Variants in TNFRSF9 observed in about 807,000 individuals in gnomAD.
TNFRSF9 encodes tumor necrosis factor receptor superfamily member 9.
Under a neutral mutation model 28.8 loss-of-function variants are expected in TNFRSF9, and 16 were observed. The ratio of observed to expected loss-of-function variants is 0.55; its 90% CI spans 0.38 to 0.84. The LOEUF (loss-of-function observed/expected upper bound fraction) is 0.84, where lower values mean the gene tolerates loss of function less well. Ranked by LOEUF, TNFRSF9 falls within the 40% of genes least tolerant of loss-of-function variation. The probability of loss-of-function intolerance (pLI) is 0.00; values close to 1 mark genes in which losing one functional copy is unlikely to be tolerated. For missense variants in TNFRSF9, 303 were observed against 315.0 expected (o/e 0.96, Z 0.29); for synonymous variants, 131 against 117.0 (o/e 1.12, Z -0.77).
At chr1:7,927,129 A>C (rs1639667674) in intron 7 of TNFRSF9, among the ~76,000 whole-genome samples, 1 of 152,202 alleles carries the variant, frequency 6.6e-6, no homozygotes, top group East Asian at 1.9e-4. Context: ...TCAACATTCC[A>C]CTGGAGGCTA....
chr1:7,929,985 T>TTTC (rs1210665634), intron 7 of TNFRSF9, among the ~76,000 whole-genome samples: 1 of 151,202 alleles, frequency 6.6e-6, no homozygotes, highest in African/African-American at 2.4e-5. Flanking sequence ...TTTTTTTTTT[T>TTTC]TGAGACGGAG....
At chr1:7,936,586 A>G (rs547613410) in intron 5 of TNFRSF9, 1 of 152,384 alleles carries the variant, frequency 6.6e-6, no homozygotes, top group South Asian at 2.1e-4. Context: ...AAATGACAAA[A>G]GCAGAGAGAT....
Position 7,935,239 on chromosome 1 carries a change from A to G in TNFRSF9, c.414-96T>C, listed in dbSNP as rs1414538988. On this transcript the variant is annotated intron_variant, in intron 5 of 7. Transcript: ENST00000377507. ...CATTTTTCACCCAATGAAGTAGCCT[A>G]GTGAAAAAGATATATGGGTCTGGGT... 2.9e-6 allele frequency: 4 copies of G among 1,390,974 alleles called. No individual in the cohort carries two copies. The African/African-American group carries it at 5.9e-5, about 20-fold the overall frequency. 86.2% of individuals were successfully genotyped at this position (1,390,974 alleles called of 1,614,324 possible). A position where few individuals can be genotyped will look rare whatever the true frequency, so the allele number is the denominator to read the frequency against.
chr1:7,938,189 G>A lies in TNFRSF9; in HGVS notation c.346+4C>T, dbSNP rs9657966. ...TACACTAGATCAAAGAAACGCAAAC[G>A]TACCTTTTTTTGTCAGTTCTTGACC... is the stretch of plus-strand genomic sequence containing the variant. On this transcript the variant is annotated splice_donor_region_variant and intron_variant, in intron 4 of 7. Transcript: ENST00000377507. The A allele has an allele frequency of 3.1e-5, 49 of 1,571,966 alleles. No homozygotes were observed. Among genetic ancestry groups the A allele is most frequent in the South Asian group, 1.1e-4 (9 of 85,228 alleles).
chr1:7,935,350 G>A (rs1639801275), intron 5 of TNFRSF9, among the ~76,000 whole-genome samples: 1 of 152,202 alleles, frequency 6.6e-6, no homozygotes, highest in African/African-American at 2.4e-5. Flanking sequence ...TCTGTTCAGT[G>A]ACAGCTTAGT....
intron 7 of TNFRSF9, among the ~76,000 whole-genome samples, chr1:7,921,427 G>A (rs555996699): frequency 6.6e-6 from 1 of 152,026 alleles, no homozygotes; most frequent in Non-Finnish European, 1.5e-5. Flanking sequence ...CAGCACTTTG[G>A]GAGGCTGAGG....
chr1:7,932,569 G>A (rs1639747107), intron 7 of TNFRSF9, among the ~76,000 whole-genome samples: 1 of 151,842 alleles, frequency 6.6e-6, no homozygotes, highest in African/African-American at 2.4e-5. Flanking sequence ...CTCAAATATG[G>A]GTCTAAACTC....
chr1:7,916,345 G>A lies in TNFRSF9; in HGVS notation c.*4490C>T, dbSNP rs1639477818. On this transcript the variant is annotated 3_prime_UTR_variant, in exon 8 of 8. Transcript: ENST00000377507. Reference sequence around the variant, plus strand: ...TCCTTCCTTATTAATTGTCATTTAGGGGGAGCAATGACTCACATGCCAAGT... The same window carrying A: ...TCCTTCCTTATTAATTGTCATTTAGAGGGAGCAATGACTCACATGCCAAGT... 1 of 151,998 alleles carries A rather than the reference G, an allele frequency of 6.6e-6. No homozygotes were observed. 9.4% of individuals were successfully genotyped at this position (151,998 alleles called of 1,614,324 possible).
At chr1:7,934,886 G>T in intron 6 of TNFRSF9, 127 bp downstream of exon 6, 1 of 1,256,942 alleles carries the variant, frequency 8.0e-7, no homozygotes, top group Non-Finnish European at 1.1e-6. Context: ...GGTCCCTGAG[G>T]GCAGGATTCA....
In TNFRSF9 at chr1:7,923,617, C is replaced by T. The variant is rs1459212336; in HGVS notation, c.680-2694G>A. 3.9e-5 allele frequency among the ~76,000 whole-genome samples: 6 copies of T among 152,256 alleles called. No homozygotes were observed. In the South Asian group the frequency reaches 6.2e-4, roughly 16 times the overall value. ...ACTATGGGGGCCAAGGCAGGAGGAT[C>T]GCTTGAGTCCAGGAGTTCTAGACCA... On this transcript the variant is annotated intron_variant, in intron 7 of 7. Transcript: ENST00000377507.
chr1:7,938,172 A>G lies in TNFRSF9; in HGVS notation c.346+21T>C, dbSNP rs199608239. ...TGTCTATGTCACAAAACTACACTAGATCAAAGAAACGCAAACGTACCTTTT... is the reference window on the plus strand; with the variant it reads ...TGTCTATGTCACAAAACTACACTAGGTCAAAGAAACGCAAACGTACCTTTT... On this transcript the variant is annotated intron_variant, in intron 4 of 7. Transcript: ENST00000377507. The G allele has an allele frequency of 3.1e-4, 487 of 1,561,464 alleles. 2 individuals carry two copies. Among genetic ancestry groups the G allele is most frequent in the Non-Finnish European group, 4.1e-4 (468 of 1,152,274 alleles).
rs556526135 is a variant in TNFRSF9 at position 7,932,012 on chromosome 1, G to T, written c.679+1150C>A. Among the ~76,000 whole-genome samples, 7 of 152,206 alleles carry T rather than the reference G, an allele frequency of 4.6e-5. No individual in the cohort carries two copies. The South Asian group carries it at 1.5e-3, about 32-fold the overall frequency. On this transcript the variant is annotated intron_variant, in intron 7 of 7. Transcript: ENST00000377507. ...TGCAAAATTAGCTGGGTGTGGTGGC[G>T]CATGCCTGTAATGCCTCGGGAGCCT...
At chr1:7,920,957 T>C in intron 7 of TNFRSF9, 34 bp from the exon 8 acceptor site, 1 of 1,427,546 alleles carries the variant, frequency 7.0e-7, no homozygotes, top group South Asian at 1.2e-5. Context: ...GTATATTTTG[T>C]TGTCTATTTG....
chr1:7,928,361 T>C (rs1639683793), intron 7 of TNFRSF9, among the ~76,000 whole-genome samples: 2 of 152,218 alleles, frequency 1.3e-5, no homozygotes, highest in Admixed American at 6.5e-5. Flanking sequence ...CAGCTTTATA[T>C]GTAATAGTCA....
chr1:7,937,899 T>C (rs370929014), intron 4 of TNFRSF9, 143 bp from the exon 5 acceptor site: 1 of 717,864 alleles, frequency 1.4e-6, no homozygotes. Flanking sequence ...CACCCTAAGA[T>C]GGCTAGTTTT....
rs964550028 is a variant in TNFRSF9 at position 7,933,227 on chromosome 1, A to G, written c.614T>C (p.Phe205Ser). 1.9e-6 allele frequency: 3 copies of G among 1,613,900 alleles called. No individual in the cohort carries two copies. Among genetic ancestry groups the G allele is most frequent in the Admixed American group, 3.3e-5 (2 of 59,978 alleles). The change falls in exon 7 of 8, where the codon TTC becomes TCC. Residue 205 changes from phenylalanine to serine, a missense_variant. Physicochemically the swap from Phe to Ser is radical, Grantham distance 155. Transcript: ENST00000377507. The stretch of plus-strand genomic sequence containing the variant: ...AACAACAGAGAAACGGAGCGTGAGG[A>G]AGAACAGCAGGAAGAGCAACGCAGT... ...TSTALLFLLF[F>S]LTLRFSVVKR...
chr1:7,929,506 C>A (rs2453021), intron 7 of TNFRSF9, among the ~76,000 whole-genome samples: 1 of 151,814 alleles, frequency 6.6e-6, no homozygotes, highest in Non-Finnish European at 1.5e-5. Context: ...ACCTTTACAT[C>A]CCTGAATACA....
At chr1:7,931,864 C>T (rs1303880948) in intron 7 of TNFRSF9, among the ~76,000 whole-genome samples, 1 of 152,260 alleles carries the variant, frequency 6.6e-6, no homozygotes, top group Non-Finnish European at 1.5e-5. Context: ...ACTTTACTGG[C>T]TGAGCGCAGT....
intron 7 of TNFRSF9, among the ~76,000 whole-genome samples, chr1:7,924,804 C>G (rs1339495225): frequency 6.6e-6 from 1 of 152,088 alleles, no homozygotes; most frequent in African/African-American, 2.4e-5. Flanking sequence ...GTGGCAGACA[C>G]CAACTCTGTG....
Sources: allele counts gnomAD v4.1 joint callset (sites outside exome capture counted in the v4.1 genomes callset), GRCh38; gene constraint gnomAD v4.1.1; transcripts MANE v1.5; gene names NCBI Gene and HGNC (gene_info 2026-07-23, HGNC 2026-07-21).